The following STAT5A variants were observed in gnomAD, a reference collection of about 807,000 sequenced individuals.
STAT5A encodes the protein signal transducer and activator of transcription 5A.
In STAT5A, 26 loss-of-function variants were observed where a neutral mutation model predicts 100.2. That is an observed-to-expected ratio of 0.26 (90% CI 0.19 to 0.36). The LOEUF (loss-of-function observed/expected upper bound fraction) is 0.36, where lower values mean the gene tolerates loss of function less well. Ranked by LOEUF, STAT5A falls within the 10% of genes least tolerant of loss-of-function variation. The probability of loss-of-function intolerance (pLI) is 1.00; values close to 1 mark genes in which losing one functional copy is unlikely to be tolerated. For synonymous variants in STAT5A, 330 were observed against 424.3 expected (o/e 0.78, Z 2.73); for missense variants, 634 against 1,027.5 (o/e 0.62, Z 5.24).
intron 6 of STAT5A, 45 bp from the exon 7 acceptor site, chr17:42,300,085 G>A: frequency 2.4e-6 from 3 of 1,228,124 alleles, no homozygotes; most frequent in Non-Finnish European, 3.3e-6. Context: ...GCCCTGCGGT[G>A]TTCTCTGGGA....
In STAT5A at chr17:42,296,247, C is replaced by T. The variant is rs183271136; in HGVS notation, c.550+454C>T. ...AGGGAGGACTTGGATTGGAAGTCTTCTGGTTGAACCAGGCTGGGAGAGGTG... is the reference window on the plus strand; with the variant it reads ...AGGGAGGACTTGGATTGGAAGTCTTTTGGTTGAACCAGGCTGGGAGAGGTG... On this transcript the variant is annotated intron_variant, in intron 5 of 18. Coordinates refer to ENST00000590949, the MANE Select transcript of STAT5A (RefSeq NM_001288718.2). Among the ~76,000 whole-genome samples the T allele has an allele frequency of 1.4e-3, 208 of 152,284 alleles. 1 individual carries two copies. Among genetic ancestry groups the T allele is most frequent in the Admixed American group, 5.3e-3 (81 of 15,294 alleles).
chr17:42,295,657 C>A lies in STAT5A; in HGVS notation c.414C>A (p.Ser138=), dbSNP rs541288582. The A allele has an allele frequency of 6.2e-7, 1 of 1,613,876 alleles. No individual in the cohort carries two copies. The highest frequency in any genetic ancestry group is 1.7e-5 in the Admixed American group (1 of 59,964). The change falls in exon 5 of 19, where the codon TCC becomes TCA. Residue 138 remains serine (S), a synonymous_variant. Coordinates refer to ENST00000590949, the MANE Select transcript of STAT5A (RefSeq NM_001288718.2). ...CTGGGATCCTGGTTGACGCCATGTC[C>A]CAGAAGCACCTTCAGATCAACCAGA... ...SPAGILVDAM[S]QKHLQINQTF... is the part of the protein sequence containing the mutation.
chr17:42,303,343 G>A (rs2080999093), intron 9 of STAT5A, among the ~76,000 whole-genome samples: 1 of 152,206 alleles, frequency 6.6e-6, no homozygotes, highest in Non-Finnish European at 1.5e-5. Flanking sequence ...TGCAGCTGGG[G>A]AGACTGATGA....
In STAT5A at chr17:42,304,513, C is replaced by T. The variant is rs777304080; in HGVS notation, c.1258-17C>T. 1.2e-6 allele frequency: 2 copies of T among 1,614,202 alleles called. No individual in the cohort carries two copies. The highest frequency in any genetic ancestry group is 2.2e-5 in the South Asian group (2 of 91,080). On this transcript the variant is annotated splice_polypyrimidine_tract_variant and intron_variant, in intron 10 of 18. Coordinates refer to ENST00000590949, the MANE Select transcript of STAT5A (RefSeq NM_001288718.2). This position sits in a 1 kb window ranked among gnomAD's most constrained non-coding sequence, Gnocchi z 4.8. ...AGCCGCCATCTCCCTGTTCCCCTGT[C>T]ACCTCCCACCCTGCAGTCACTGAAG...
intron 3 of STAT5A, among the ~76,000 whole-genome samples, chr17:42,290,587 A>G (rs1418623197): frequency 6.6e-6 from 1 of 152,164 alleles, no homozygotes; most frequent in Non-Finnish European, 1.5e-5. Flanking sequence ...GAGCCCTTCA[A>G]TACAGACAGC....
chr17:42,289,031 C>T (rs2080841863), intron 1 of STAT5A, among the ~76,000 whole-genome samples: 1 of 152,232 alleles, frequency 6.6e-6, no homozygotes, highest in Non-Finnish European at 1.5e-5. Context: ...AAACCGGGCC[C>T]GAGGTGGGCT....
chr17:42,308,065 C>G lies in STAT5A; in HGVS notation c.1907-113C>G, dbSNP rs932812259. On this transcript the variant is annotated intron_variant, in intron 15 of 18. Coordinates refer to ENST00000590949, the MANE Select transcript of STAT5A (RefSeq NM_001288718.2). The surrounding 1 kb of genome is among the most constrained non-coding windows in gnomAD (Gnocchi z 4.6). The stretch of plus-strand genomic sequence containing the variant: ...TCTTCCCTACAGGCTGGGGCTGCAG[C>G]GCAAGCTACTATATAAAAGCCCAGA... 4.9e-5 allele frequency: 69 copies of G among 1,422,490 alleles called. No individual in the cohort carries two copies. Among genetic ancestry groups the G allele is most frequent in the Non-Finnish European group, 6.2e-5 (65 of 1,047,916 alleles). 88.1% of individuals were successfully genotyped at this position (1,422,490 alleles called of 1,614,324 possible).
At chr17:42,297,927 A>G (rs2080934499) in intron 5 of STAT5A, among the ~76,000 whole-genome samples, 1 of 151,800 alleles carries the variant, frequency 6.6e-6, no homozygotes, top group Admixed American at 6.6e-5. Context: ...GAGCTCGACC[A>G]AGACATGCTG....
intron 9 of STAT5A, among the ~76,000 whole-genome samples, 182 bp downstream of exon 9, chr17:42,301,636 G>C (rs568248350): frequency 5.3e-5 from 8 of 152,270 alleles, no homozygotes; most frequent in African/African-American, 1.9e-4. Context: ...GTTGATAGGC[G>C]TGAGCCACCA....
At chr17:42,300,624 C>T in intron 7 of STAT5A, 91 bp from the exon 8 acceptor site, 1 of 1,604,382 alleles carries the variant, frequency 6.2e-7, no homozygotes, top group Non-Finnish European at 8.5e-7. Flanking sequence ...AAGCACAGAG[C>T]CTTCCTGGGG....
At position 42,311,821 on chromosome 17, in the gene STAT5A, G is replaced by C. The variant is rs1307068162; in HGVS notation, c.*1152G>C. The C allele has an allele frequency of 1.3e-5, 2 of 152,774 alleles. No homozygotes were observed. The highest frequency in any genetic ancestry group is 4.8e-5 in the African/African-American group (2 of 41,460). 9.5% of individuals were successfully genotyped at this position (152,774 alleles called of 1,614,324 possible). A position where few individuals can be genotyped will look rare whatever the true frequency, so the allele number is the denominator to read the frequency against. ...GGGGCAGCTGACCATGGAAGATTGA[G>C]AGCCCAAGGTTTAAACTTCTCTGAA... is the stretch of plus-strand genomic sequence containing the variant. On this transcript the variant is annotated 3_prime_UTR_variant, in exon 19 of 19. Coordinates refer to ENST00000590949, the MANE Select transcript of STAT5A (RefSeq NM_001288718.2).
intron 13 of STAT5A, 33 bp downstream of exon 13, chr17:42,306,480 G>T (rs750044509): frequency 2.5e-6 from 4 of 1,585,616 alleles, no homozygotes; most frequent in East Asian, 2.3e-5. Flanking sequence ...GCCCACCAGG[G>T]CCCACCGGGG....
Position 42,304,173 on chromosome 17 carries a change from G to A in STAT5A, c.1170-169G>A, listed in dbSNP as rs997641738. On this transcript the variant is annotated intron_variant, in intron 9 of 18. Transcript: ENST00000590949. This position sits in a 1 kb window ranked among gnomAD's most constrained non-coding sequence, Gnocchi z 4.8. ...TGCCTTGGGTGCTGGGCACCAGGTTGATGGAGAAGTCAGTAACCCAGAAAG... is the reference window on the plus strand; with the variant it reads ...TGCCTTGGGTGCTGGGCACCAGGTTAATGGAGAAGTCAGTAACCCAGAAAG... 6.3e-6 allele frequency: 4 copies of A among 631,492 alleles called. No individual in the cohort carries two copies. Among genetic ancestry groups the A allele is most frequent in the Non-Finnish European group, 1.1e-5 (4 of 362,756 alleles). 39.1% of individuals were successfully genotyped at this position (631,492 alleles called of 1,614,324 possible).
chr17:42,291,937 G>A (rs773299780), intron 3 of STAT5A, 35 bp from the exon 4 acceptor site: 1 of 1,609,486 alleles, frequency 6.2e-7, no homozygotes, highest in Non-Finnish European at 8.5e-7. Flanking sequence ...CTGGAGCAGA[G>A]GATGGCGCTG....
In STAT5A at chr17:42,308,399, C is replaced by T; in HGVS notation, c.2062+66C>T. On this transcript the variant is annotated intron_variant, in intron 16 of 18. Transcript: ENST00000590949. The surrounding 1 kb of genome is among the most constrained non-coding windows in gnomAD (Gnocchi z 4.6). ...GCTCTTCCCCAGCCCATAGACAAAG[C>T]CTTGGGCTGCGCCGTGGGGACTTCC... is the stretch of plus-strand genomic sequence containing the variant. 1 of 1,609,730 alleles carries T rather than the reference C, an allele frequency of 6.2e-7. No homozygotes were observed. Among genetic ancestry groups the T allele is most frequent in the Non-Finnish European group, 8.5e-7 (1 of 1,178,014 alleles).
In STAT5A at chr17:42,306,553, C is replaced by A. The variant is rs1001789666; in HGVS notation, c.1680+106C>A. The A allele has an allele frequency of 8.6e-6, 13 of 1,510,526 alleles. No homozygotes were observed. In the African/African-American group the frequency reaches 1.7e-4, roughly 19 times the overall value. 93.6% of individuals were successfully genotyped at this position (1,510,526 alleles called of 1,614,324 possible). On this transcript the variant is annotated intron_variant, in intron 13 of 18. Transcript: ENST00000590949. Reference sequence around the variant, plus strand: ...GGGGCTAGCACCCCACTCTCCACCCCCAACCACTCTCTCCTACAACCAGGA... The same window carrying A: ...GGGGCTAGCACCCCACTCTCCACCCACAACCACTCTCTCCTACAACCAGGA...
At chr17:42,299,638 A>C in intron 5 of STAT5A, 113 bp from the exon 6 acceptor site, 1 of 1,549,552 alleles carries the variant, frequency 6.5e-7, no homozygotes, top group East Asian at 2.3e-5. Context: ...CTTGCTCTTG[A>C]TGCAGTGTCT....
chr17:42,310,622 TC>T lies in STAT5A; in HGVS notation c.2339del (p.Ser780CysfsTer36). On this transcript the variant is annotated frameshift_variant, in exon 19 of 19. Coordinates refer to ENST00000590949, the MANE Select transcript of STAT5A (RefSeq NM_001288718.2). LOFTEE classifies it low-confidence loss of function (END_TRUNC). ...AATGGACAGTCTTGACTCCCGCCTC[TC>T]GCCCCCTGCCGGTCTTTTCACCTCT... is the stretch of plus-strand genomic sequence containing the variant. ...RPMDSLDSRLSPPAGLFTSAR... is the reference protein window; with the variant it reads ...RPMDSLDSRLXPPAGLFTSAR... The T allele has an allele frequency of 6.2e-7, 1 of 1,614,194 alleles. No individual in the cohort carries two copies. Among genetic ancestry groups the T allele is most frequent in the East Asian group, 2.2e-5 (1 of 44,884 alleles).
chr17:42,310,894 TGCGCCGA>T lies in STAT5A; in HGVS notation c.*227_*233del. The T allele has an allele frequency of 1.4e-6, 1 of 695,374 alleles. No homozygotes were observed. The highest frequency in any genetic ancestry group is 1.8e-5 in the African/African-American group (1 of 55,444). 43.1% of individuals were successfully genotyped at this position (695,374 alleles called of 1,614,324 possible). ...CTTTTCAGATCATGGCATCCAAGAGTGCGCCGAGTCTGTCTCTGTCATGGTAGAGACC... is the reference window on the plus strand; with the variant it reads ...CTTTTCAGATCATGGCATCCAAGAGTGTCTGTCTCTGTCATGGTAGAGACC... On this transcript the variant is annotated 3_prime_UTR_variant, in exon 19 of 19. Transcript: ENST00000590949.
Sources: gnomAD v4.1 joint callset for allele counts (sites outside exome capture counted in the v4.1 genomes callset) on GRCh38, gnomAD v4.1.1 for gene constraint, Gnocchi (gnomAD v3.1) non-coding constraint, MANE v1.5 for transcripts, NCBI Gene and HGNC (gene_info 2026-07-23, HGNC 2026-07-21) for gene names.